Variants in CDH23 observed in about 807,000 individuals in gnomAD.
The protein encoded by CDH23 is cadherin related 23, also known as cadherin-23.
In CDH23, 189 loss-of-function variants were observed where a neutral mutation model predicts 317.1. The observed-to-expected ratio is 0.60, with a 90% CI of 0.53 to 0.67. CDH23 has a LOEUF of 0.67. CDH23 is among the 30% of genes least tolerant of loss of function. CDH23 has a pLI of 0.00. For missense variants in CDH23, 4,401 were observed against 4,592.4 expected (o/e 0.96, Z 1.20); for synonymous variants, 1,839 against 1,876.8 (o/e 0.98, Z 0.52).
chr10:71,493,834 C>A (rs1852803390), intron 3 of CDH23, among the ~76,000 whole-genome samples: 1 of 152,182 alleles, frequency 6.6e-6, no homozygotes, highest in Non-Finnish European at 1.5e-5. Flanking sequence ...CATTCCTTTA[C>A]ACACAAAATC....
In CDH23 at chr10:71,725,406, C is replaced by CA; in HGVS notation, c.3467dup (p.Asn1156LysfsTer49). The CA allele has an allele frequency of 6.2e-7, 1 of 1,614,056 alleles. No individual in the cohort carries two copies. Among genetic ancestry groups the CA allele is most frequent in the Non-Finnish European group, 8.5e-7 (1 of 1,179,894 alleles). ...GCAACAACTTCCGGATCCATGTCAG[C>CA]AATGGGCTCCTGATGCGAGGGCCCC... On this transcript the variant is annotated frameshift_variant, in exon 30 of 70. Coordinates refer to ENST00000224721, the MANE Select transcript of CDH23 (RefSeq NM_022124.6). LOFTEE classifies it high-confidence loss of function.
At position 71,415,352 on chromosome 10, in the gene CDH23, T is replaced by G. The variant is rs560123588; in HGVS notation, c.-6+18034T>G. On this transcript the variant is annotated intron_variant, in intron 1 of 69. Coordinates refer to ENST00000224721, the MANE Select transcript of CDH23 (RefSeq NM_022124.6). The stretch of plus-strand genomic sequence containing the variant: ...CTCAAATGATCCTCCTTCCTCTACC[T>G]CCTAAACTGCTATTACAGGCGTGAG... Among the ~76,000 whole-genome samples, 62 of 152,332 alleles carry G rather than the reference T, an allele frequency of 4.1e-4. 2 individuals are homozygous for G. In the South Asian group the frequency reaches 0.013, roughly 31 times the overall value.
At chr10:71,471,953 G>T (rs1327138892) in intron 3 of CDH23, among the ~76,000 whole-genome samples, 1 of 152,190 alleles carries the variant, frequency 6.6e-6, no homozygotes, top group Admixed American at 6.5e-5. Context: ...TGCTTTGAGA[G>T]TCAATGTGAC....
intron 1 of CDH23, among the ~76,000 whole-genome samples, chr10:71,401,573 G>A (rs1589259704): frequency 1.3e-5 from 2 of 152,304 alleles, no homozygotes; most frequent in East Asian, 3.9e-4. Context: ...CCACCTTGCT[G>A]TACTCTGGAC....
At chr10:71,784,465 G>A in intron 42 of CDH23, 45 bp downstream of exon 42, 1 of 1,590,224 alleles carries the variant, frequency 6.3e-7, no homozygotes, top group Admixed American at 1.7e-5. Context: ...CGCTGCCCCT[G>A]TACTTGCCAC....
At chr10:71,580,520 C>T (rs1858547917) in intron 9 of CDH23, among the ~76,000 whole-genome samples, 1 of 152,182 alleles carries the variant, frequency 6.6e-6, no homozygotes, top group South Asian at 2.1e-4. Context: ...CACATGCCAG[C>T]TTTGATTGAT....
At chr10:71,524,255 C>T (rs547040371) in intron 6 of CDH23, among the ~76,000 whole-genome samples, 35 of 152,292 alleles carry the variant, frequency 2.3e-4, no homozygotes, top group East Asian at 2.1e-3. Flanking sequence ...GCCTGGCGCA[C>T]GGTGGGGACT....
At position 71,637,089 on chromosome 10, in the gene CDH23, C is replaced by T. The variant is rs970951508; in HGVS notation, c.1135-6772C>T. ...GTGGAAGGAGAGGCCTACCTCCTGC[C>T]GAGGTCCCCTTTGCCATGTCTGATT... On this transcript the variant is annotated intron_variant, in intron 11 of 69. Transcript: ENST00000224721. Among the ~76,000 whole-genome samples, 12 of 152,146 alleles carry T rather than the reference C, an allele frequency of 7.9e-5. No individual in the cohort carries two copies. The East Asian group carries it at 1.5e-3, about 20-fold the overall frequency.
intron 6 of CDH23, among the ~76,000 whole-genome samples, chr10:71,547,670 G>C (rs1589192279): frequency 6.6e-6 from 1 of 152,246 alleles, no homozygotes; most frequent in African/African-American, 2.4e-5. Flanking sequence ...GGAGGGACAG[G>C]AGCAAACTGC....
At chr10:71,672,814 T>C (rs1227046) in intron 14 of CDH23, among the ~76,000 whole-genome samples, 111,337 of 151,930 alleles carry the variant, frequency 0.73, 41,130 homozygotes, top group East Asian at 0.97. Flanking sequence ...GCACCTCACA[T>C]ATCCTTCCCG....
At chr10:71,647,012 G>T in intron 14 of CDH23, 2 of 985,308 alleles carry the variant, frequency 2.0e-6, no homozygotes, top group Non-Finnish European at 2.4e-6. Context: ...GGCGCCTGGA[G>T]GGTACCGGGG....
chr10:71,656,566 G>A (rs534879469), intron 14 of CDH23, among the ~76,000 whole-genome samples: 1 of 152,314 alleles, frequency 6.6e-6, no homozygotes, highest in Admixed American at 6.5e-5. Flanking sequence ...GGATGGGGAT[G>A]AGTGATGTGG....
At chr10:71,633,966 G>A (rs545297459) in intron 11 of CDH23, among the ~76,000 whole-genome samples, 5 of 152,354 alleles carry the variant, frequency 3.3e-5, no homozygotes, top group Admixed American at 1.3e-4. Flanking sequence ...CAGCTGTAGC[G>A]GTGTCCCCTC....
At chr10:71,744,070 G>A (rs1353199040) in intron 38 of CDH23, among the ~76,000 whole-genome samples, 2 of 152,164 alleles carry the variant, frequency 1.3e-5, no homozygotes, top group Non-Finnish European at 2.9e-5. Context: ...GCCAGAAGTG[G>A]CTCACGTGGG....
At chr10:71,472,543 C>T (rs1168815756) in intron 3 of CDH23, among the ~76,000 whole-genome samples, 1 of 152,252 alleles carries the variant, frequency 6.6e-6, no homozygotes, top group East Asian at 1.9e-4. Flanking sequence ...TTGTACAGTG[C>T]TGGCCCAGCA....
intron 41 of CDH23, among the ~76,000 whole-genome samples, chr10:71,780,267 A>T (rs951156223): frequency 6.6e-6 from 1 of 152,204 alleles, no homozygotes; most frequent in Non-Finnish European, 1.5e-5. Context: ...GCCCCGTAGA[A>T]CGTACGTTCC....
At chr10:71,585,321 C>G (rs1026569432) in intron 9 of CDH23, among the ~76,000 whole-genome samples, 5 of 152,278 alleles carry the variant, frequency 3.3e-5, no homozygotes, top group Non-Finnish European at 1.5e-5. Flanking sequence ...GAATGCCACC[C>G]TAGACCCACA....
intron 3 of CDH23, among the ~76,000 whole-genome samples, chr10:71,454,078 T>C (rs1052151806): frequency 6.6e-6 from 1 of 152,194 alleles, no homozygotes; most frequent in Non-Finnish European, 1.5e-5. Flanking sequence ...TGAAGTGTTC[T>C]CAGAGGGCCC....
At chr10:71,805,785 T>A in intron 55 of CDH23, 21 bp from the exon 56 acceptor site, 1 of 1,601,302 alleles carries the variant, frequency 6.2e-7, no homozygotes, top group South Asian at 1.1e-5. Context: ...CCAGGAGCCT[T>A]CCTCCCCATG....
Sources: gnomAD v4.1 joint callset for allele counts (sites outside exome capture counted in the v4.1 genomes callset) on GRCh38, gnomAD v4.1.1 for gene constraint, MANE v1.5 for transcripts, NCBI Gene and HGNC (gene_info 2026-07-23, HGNC 2026-07-21) for gene names.